ROBO2: variants seen among roughly 807,000 people sequenced by gnomAD.
The protein encoded by ROBO2 is roundabout homolog 2.
Under a neutral mutation model 160.8 loss-of-function variants are expected in ROBO2, and 53 were observed. The observed-to-expected ratio is 0.33, with a 90% CI of 0.26 to 0.41. The LOEUF (loss-of-function observed/expected upper bound fraction) is 0.41, where lower values mean the gene tolerates loss of function less well. Among genes scored for constraint, ROBO2 ranks in the 10% least tolerant of loss-of-function variants. ROBO2 has a pLI of 1.00. For synonymous variants in ROBO2, 664 were observed against 611.7 expected, an observed-to-expected ratio of 1.09 and a Z score of -1.26; for missense variants, 1,577 against 1,722.4, an observed-to-expected ratio of 0.92 and a Z score of 1.49.
intron 2 of ROBO2, among the ~76,000 whole-genome samples, chr3:76,610,212 T>A (rs1235714647): frequency 6.6e-6 from 1 of 152,206 alleles, no homozygotes; most frequent in African/African-American, 2.4e-5. Context: ...ATACTAGCCT[T>A]GTACTGGTAA....
At chr3:76,398,686 A>T (rs566729430) in intron 2 of ROBO2, among the ~76,000 whole-genome samples, 27 of 151,812 alleles carry the variant, frequency 1.8e-4, no homozygotes, top group African/African-American at 5.5e-4. Context: ...TATATTCTAA[A>T]CTAAATATAC....
At chr3:76,438,977 T>A (rs926882193) in intron 2 of ROBO2, among the ~76,000 whole-genome samples, 4 of 151,892 alleles carry the variant, frequency 2.6e-5, no homozygotes, top group Admixed American at 6.6e-5. Context: ...GGATTTGGGT[T>A]TTTTTTTACA....
chr3:76,770,249 A>G (rs1343689682), intron 2 of ROBO2, among the ~76,000 whole-genome samples: 1 of 151,314 alleles, frequency 6.6e-6, no homozygotes, highest in Non-Finnish European at 1.5e-5. Context: ...ATTGTAAACT[A>G]TGGTTAAATT....
chr3:77,301,304 C>T (rs1205685162), intron 2 of ROBO2, among the ~76,000 whole-genome samples: 1 of 151,876 alleles, frequency 6.6e-6, no homozygotes, highest in African/African-American at 2.4e-5. Flanking sequence ...ATATTATTAT[C>T]AGAATAATTA....
chr3:76,321,276 G>A (rs1331098958), intron 2 of ROBO2, among the ~76,000 whole-genome samples: 1 of 152,062 alleles, frequency 6.6e-6, no homozygotes, highest in Non-Finnish European at 1.5e-5. Context: ...CCAGACTTTG[G>A]GAGGCCGAGG....
chr3:76,753,371 A>G (rs1035254586), intron 2 of ROBO2, among the ~76,000 whole-genome samples: 1 of 151,912 alleles, frequency 6.6e-6, no homozygotes, highest in African/African-American at 2.4e-5. Flanking sequence ...ATGTTTTATT[A>G]TTTTTTAATA....
Position 76,884,010 on chromosome 3 carries a change from T to G in ROBO2, c.110-214004T>G, listed in dbSNP as rs112767470. ...CATATTCACAATAATTAATAAACAT[T>G]TATCAATCCTCTGTATGAGTGCACT... On this transcript the variant is annotated intron_variant, in intron 2 of 26. Transcript: ENST00000487694. Among the ~76,000 whole-genome samples the G allele has an allele frequency of 5.1e-3, 781 of 152,312 alleles. 5 individuals carry two copies. The highest frequency in any genetic ancestry group is 7.9e-3 in the Non-Finnish European group (539 of 68,010).
chr3:77,283,079 A>G (rs62249725), intron 2 of ROBO2, among the ~76,000 whole-genome samples: 2,462 of 152,242 alleles, frequency 0.016, 27 homozygotes, highest in Middle Eastern at 0.031. Flanking sequence ...CAGCTACTAC[A>G]TCTTATTATT....
Position 77,607,972 on chromosome 3 carries a change from A to C in ROBO2, c.3293+18A>C. ...GAAAATGGGTAAAGATATTTTATAT[A>C]CTAGCAAAATGGCCAGGGCTCTCCT... On this transcript the variant is annotated intron_variant, in intron 21 of 25. Transcript: ENST00000461745. 2 of 1,613,648 alleles carry C rather than the reference A, an allele frequency of 1.2e-6. No homozygotes were observed. Among genetic ancestry groups the C allele is most frequent in the Non-Finnish European group, 1.7e-6 (2 of 1,179,682 alleles).
At chr3:76,322,066 T>G (rs918175689) in intron 2 of ROBO2, among the ~76,000 whole-genome samples, 11 of 151,346 alleles carry the variant, frequency 7.3e-5, no homozygotes, top group African/African-American at 2.7e-4. Flanking sequence ...TCACTGTTAC[T>G]GAAAACTTTT....
intron 2 of ROBO2, among the ~76,000 whole-genome samples, chr3:76,322,175 T>C (rs2072595400): frequency 7.6e-5 from 3 of 39,274 alleles, no homozygotes; most frequent in African/African-American, 1.9e-4. Context: ...TATATATATA[T>C]ATATATATAT....
intron 2 of ROBO2, among the ~76,000 whole-genome samples, chr3:76,674,505 T>C (rs2092354995): frequency 6.6e-6 from 1 of 151,880 alleles, no homozygotes; most frequent in South Asian, 2.1e-4. Flanking sequence ...TTGACGGCAG[T>C]CTCTCAAGTC....
intron 2 of ROBO2, among the ~76,000 whole-genome samples, chr3:77,135,968 T>C (rs1314050592): frequency 6.6e-6 from 1 of 152,242 alleles, no homozygotes. Flanking sequence ...TGTTGAATGT[T>C]TGTTTCTATA....
intron 2 of ROBO2, among the ~76,000 whole-genome samples, chr3:77,237,680 T>C (rs2088284642): frequency 6.6e-6 from 1 of 152,254 alleles, no homozygotes; most frequent in South Asian, 2.1e-4. Flanking sequence ...GGCAACATTA[T>C]GAATAAAGCT....
chr3:77,268,781 T>A (rs1441568470), intron 2 of ROBO2, among the ~76,000 whole-genome samples: 1 of 152,168 alleles, frequency 6.6e-6, no homozygotes, highest in Non-Finnish European at 1.5e-5. Flanking sequence ...TATCTACTCC[T>A]TTTCCCCTTT....
intron 2 of ROBO2, among the ~76,000 whole-genome samples, chr3:77,328,222 C>T (rs548203112): frequency 1.3e-5 from 2 of 152,108 alleles, no homozygotes; most frequent in South Asian, 4.2e-4. Flanking sequence ...CTGCTGCGCC[C>T]ATGATGCAGT....
intron 2 of ROBO2, among the ~76,000 whole-genome samples, chr3:77,342,241 A>C (rs566763842): frequency 6.6e-6 from 1 of 152,248 alleles, no homozygotes; most frequent in African/African-American, 2.4e-5. Flanking sequence ...ATTAGGTTTT[A>C]TGTTGTACAT....
At chr3:77,470,297 G>A (rs1327403095) in intron 2 of ROBO2, among the ~76,000 whole-genome samples, 2 of 152,100 alleles carry the variant, frequency 1.3e-5, no homozygotes, top group Non-Finnish European at 2.9e-5. Flanking sequence ...TAGCTACAAT[G>A]GAAAGTTTAA....
Position 76,968,689 on chromosome 3 carries a change from T to G in ROBO2, c.110-129325T>G, listed in dbSNP as rs6548468. Among the ~76,000 whole-genome samples, 16 of 152,126 alleles carry G rather than the reference T, an allele frequency of 1.1e-4. No individual in the cohort carries two copies. The South Asian group carries it at 3.3e-3, about 32-fold the overall frequency. ...TATTTTGATTTTTAAATTTGAGGCTTGTAGGCTATTATATGCATGTTTTCG... is the reference window on the plus strand; with the variant it reads ...TATTTTGATTTTTAAATTTGAGGCTGGTAGGCTATTATATGCATGTTTTCG... On this transcript the variant is annotated intron_variant, in intron 2 of 26. Coordinates refer to the ROBO2 transcript ENST00000487694.
Sources: gnomAD v4.1 joint callset for allele counts (sites outside exome capture counted in the v4.1 genomes callset) on GRCh38, gnomAD v4.1.1 for gene constraint, MANE v1.5 for transcripts, NCBI Gene and HGNC (gene_info 2026-07-23, HGNC 2026-07-21) for gene names.